Variants in PPIL2 observed in about 807,000 individuals in gnomAD.
PPIL2 encodes the protein RING-type E3 ubiquitin-protein ligase PPIL2.
A neutral mutation model predicts 75.2 loss-of-function variants in PPIL2; 50 were observed. The ratio of observed to expected loss-of-function variants is 0.66; its 90% CI spans 0.53 to 0.84. The LOEUF (loss-of-function observed/expected upper bound fraction) is 0.84, where lower values mean the gene tolerates loss of function less well. PPIL2 is among the 40% of genes least tolerant of loss of function. The pLI is 0.00. For missense variants in PPIL2, 590 were observed against 685.0 expected, an observed-to-expected ratio of 0.86 and a Z score of 1.55; for synonymous variants, 245 against 258.8, an observed-to-expected ratio of 0.95 and a Z score of 0.51.
chr22:21,690,543 T>A lies in PPIL2; in HGVS notation c.1139+1694T>A, dbSNP rs575347550. Among the ~76,000 whole-genome samples, 7 of 152,360 alleles carry A rather than the reference T, an allele frequency of 4.6e-5. No homozygotes were observed. In the South Asian group the frequency reaches 1.4e-3, roughly 32 times the overall value. On this transcript the variant is annotated intron_variant, in intron 15 of 19. Transcript: ENST00000398831. ...CTTGGCCTCGCTGTGCTGACCTTTT[T>A]TTCTCATGCCTAATCACACTTTCCA... is the stretch of plus-strand genomic sequence containing the variant.
chr22:21,682,496 C>G lies in PPIL2; in HGVS notation c.447C>G (p.Pro149=), dbSNP rs1022214320. 10 of 1,613,776 alleles carry G rather than the reference C, an allele frequency of 6.2e-6. No individual in the cohort carries two copies. Among genetic ancestry groups the G allele is most frequent in the African/African-American group, 1.3e-5 (1 of 74,926 alleles). The change falls in exon 8 of 20, where the codon CCC becomes CCG. Residue 149 remains proline (P), a synonymous_variant. Transcript: ENST00000398831. ...KNFRDLLTDE[P]FSRQDIITLQ... The stretch of plus-strand genomic sequence containing the variant: ...TCCGGGACCTGCTGACCGACGAGCC[C>G]TTCTCCCGGCAGGACATCATCACCC...
chr22:21,676,113 C>G (rs572119689), intron 6 of PPIL2, among the ~76,000 whole-genome samples: 1 of 152,140 alleles, frequency 6.6e-6, no homozygotes, highest in Non-Finnish European at 1.5e-5. Flanking sequence ...GCCCAGAGCC[C>G]GGTCCCCAGT....
At position 21,683,224 on chromosome 22, in the gene PPIL2, C is replaced by G; in HGVS notation, c.520C>G (p.His174Asp). The G allele has an allele frequency of 6.2e-7, 1 of 1,613,534 alleles. No homozygotes were observed. The highest frequency in any genetic ancestry group is 8.5e-7 in the Non-Finnish European group (1 of 1,179,436). ...CAAGTTCAATGTCTCTAACTTCTATCATGTGAAGAATAACATGAAAATAAT... is the reference window on the plus strand; with the variant it reads ...CAAGTTCAATGTCTCTAACTTCTATGATGTGAAGAATAACATGAAAATAAT... ...LDKFNVSNFY[H>D]VKNNMKIIDP... Residue 174 changes from histidine (H) to aspartate (D), a missense_variant, in exon 9 of 20, where the codon CAT becomes GAT. Physicochemically the swap from His to Asp is moderately conservative, Grantham distance 81. Transcript: ENST00000398831.
chr22:21,688,936 T>C, intron 15 of PPIL2, 87 bp downstream of exon 15: 1 of 1,267,106 alleles, frequency 7.9e-7, no homozygotes, highest in Non-Finnish European at 1.1e-6. Flanking sequence ...CTGAAGGGTG[T>C]GCTGGTTCTG....
intron 5 of PPIL2, among the ~76,000 whole-genome samples, chr22:21,674,084 C>T (rs893213156): frequency 3.9e-5 from 6 of 152,176 alleles, no homozygotes; most frequent in Admixed American, 3.3e-4. Flanking sequence ...GCTTAGGGCC[C>T]AGCCCCAGGA....
At chr22:21,680,289 G>A (rs2067057068) in intron 6 of PPIL2, among the ~76,000 whole-genome samples, 1 of 152,148 alleles carries the variant, frequency 6.6e-6, no homozygotes, top group African/African-American at 2.4e-5. Flanking sequence ...CACTTTGAGA[G>A]GCTGAGGCAG....
At chr22:21,683,355 G>T in intron 9 of PPIL2, 98 bp downstream of exon 9, 4 of 1,074,234 alleles carry the variant, frequency 3.7e-6, no homozygotes, top group South Asian at 2.6e-5. Flanking sequence ...GAGGTCAGGG[G>T]GTCCCAGCCC....
At chr22:21,694,094 G>A (rs1212766127) in intron 16 of PPIL2, among the ~76,000 whole-genome samples, 3 of 152,176 alleles carry the variant, frequency 2.0e-5, no homozygotes, top group Admixed American at 6.5e-5. Context: ...GAGGAAACTC[G>A]CCCATGTGGC....
At chr22:21,692,423 G>C (rs556034869) in intron 15 of PPIL2, among the ~76,000 whole-genome samples, 2 of 151,776 alleles carry the variant, frequency 1.3e-5, no homozygotes, top group Non-Finnish European at 2.9e-5. Context: ...CAAAGTGCTG[G>C]GATTACAGGC....
intron 4 of PPIL2, 70 bp downstream of exon 4, chr22:21,671,129 T>G: frequency 1.4e-6 from 2 of 1,414,042 alleles, no homozygotes; most frequent in Non-Finnish European, 2.0e-6. Context: ...AGGGGACCCT[T>G]GGTACCCTTG....
intron 19 of PPIL2, 61 bp from the exon 20 acceptor site, chr22:21,695,333 C>A (rs1263132846): frequency 1.3e-6 from 2 of 1,538,984 alleles, no homozygotes; most frequent in East Asian, 2.4e-5. Context: ...TATGGAGACA[C>A]AGACAAGTCA....
rs2067844393 is a variant in PPIL2, at chr22:21,694,763, C to G, written c.1278C>G (p.Ile426Met). The stretch of plus-strand genomic sequence containing the variant: ...GCCCCCTTTGCTGCTAGGAGGAGAT[C>G]CGCATTGATGCCACTACAGTGTTCG... ...DPKTDRPKEE[I>M]RIDATTVFVD... The change falls in exon 18 of 20, where the codon ATC becomes ATG. Residue 426 changes from isoleucine (I) to methionine (M), a missense_variant. Ile to Met is a conservative substitution (Grantham distance 10). Coordinates refer to ENST00000398831, the MANE Select transcript of PPIL2 (RefSeq NM_014337.4). The G allele has an allele frequency of 1.2e-6, 2 of 1,609,878 alleles. No homozygotes were observed. The highest frequency in any genetic ancestry group is 1.7e-6 in the Non-Finnish European group (2 of 1,177,330).
intron 1 of PPIL2, among the ~76,000 whole-genome samples, chr22:21,666,863 C>T (rs2066405467): frequency 6.6e-6 from 1 of 152,088 alleles, no homozygotes; most frequent in African/African-American, 2.4e-5. Context: ...CCACGTCCCA[C>T]GTTCCCCTCC....
At chr22:21,689,923 G>C (rs1031631106) in intron 15 of PPIL2, among the ~76,000 whole-genome samples, 5 of 152,212 alleles carry the variant, frequency 3.3e-5, no homozygotes, top group Admixed American at 2.6e-4. Flanking sequence ...GTGGCATTCT[G>C]GGGTGAACCC....
intron 9 of PPIL2, among the ~76,000 whole-genome samples, chr22:21,684,536 T>C (rs970686024): frequency 2.1e-5 from 3 of 145,138 alleles, no homozygotes; most frequent in Admixed American, 6.9e-5. Flanking sequence ...ATATAAAATA[T>C]ACAAATCAAC....
intron 5 of PPIL2, 134 bp from the exon 6 acceptor site, chr22:21,674,930 G>T: frequency 1.3e-6 from 1 of 767,994 alleles, no homozygotes; most frequent in East Asian, 2.6e-5. Flanking sequence ...GCAGGGTCTT[G>T]GGGCCTTCCC....
intron 15 of PPIL2, among the ~76,000 whole-genome samples, chr22:21,692,387 C>A (rs577539506): frequency 2.0e-5 from 3 of 151,456 alleles, no homozygotes; most frequent in Non-Finnish European, 4.4e-5. Flanking sequence ...ATCTCCTGAC[C>A]TTGTGATCCG....
At chr22:21,676,004 A>G (rs1159201628) in intron 6 of PPIL2, among the ~76,000 whole-genome samples, 3 of 152,090 alleles carry the variant, frequency 2.0e-5, no homozygotes, top group African/African-American at 7.2e-5. Context: ...GCCTGTGGAG[A>G]TGCTATGGCT....
chr22:21,690,604 C>G (rs1007519936), intron 15 of PPIL2, among the ~76,000 whole-genome samples: 2 of 152,178 alleles, frequency 1.3e-5, no homozygotes, highest in Non-Finnish European at 1.5e-5. Context: ...AAGGGTTTGT[C>G]TGTTTTCACT....
Sources: allele counts gnomAD v4.1 joint callset (sites outside exome capture counted in the v4.1 genomes callset), GRCh38; gene constraint gnomAD v4.1.1; transcripts MANE v1.5; gene names NCBI Gene and HGNC (gene_info 2026-07-23, HGNC 2026-07-21).